Variants in SATB2 observed in about 807,000 individuals in gnomAD.
SATB2 encodes SATB homeobox 2.
SATB2 carries 1 observed loss-of-function variant against 73.4 expected under a neutral mutation model. That is an observed-to-expected ratio of 0.01 (90% confidence interval 0.00 to 0.06). The LOEUF (loss-of-function observed/expected upper bound fraction) is 0.06. SATB2 is among the 10% of genes least tolerant of loss of function. SATB2 has a pLI of 1.00. For missense variants in SATB2, 459 were observed against 945.8 expected, an observed-to-expected ratio of 0.49 and a Z score of 6.75; for synonymous variants, 397 against 367.0, an observed-to-expected ratio of 1.08 and a Z score of -0.93.
chr2:199,468,423 C>G (rs1559073475), upstream of SATB2, among the ~76,000 whole-genome samples: 1 of 152,062 alleles, frequency 6.6e-6, no homozygotes, highest in African/African-American at 2.4e-5. Context: ...TGCCACAGGA[C>G]ATTAGCTCTG....
intron 10 of SATB2, among the ~76,000 whole-genome samples, chr2:199,285,662 T>C (rs993996013): frequency 3.3e-5 from 5 of 151,766 alleles, no homozygotes; most frequent in Admixed American, 6.6e-5. Flanking sequence ...CAGGCGGATT[T>C]AATATAAGTT....
At chr2:199,353,527 G>A (rs1016644551) in intron 6 of SATB2, among the ~76,000 whole-genome samples, 5 of 152,036 alleles carry the variant, frequency 3.3e-5, no homozygotes, top group African/African-American at 1.2e-4. Flanking sequence ...TCAGAATAAC[G>A]TTTTTAGCCT....
chr2:199,386,751 CA>C (rs1559022065), intron 3 of SATB2, among the ~76,000 whole-genome samples: 40 of 143,670 alleles, frequency 2.8e-4, no homozygotes, highest in Non-Finnish European at 4.0e-4. Flanking sequence ...CACACACACA[CA>C]CACACACACA....
chr2:199,309,511 C>T (rs1290648216), intron 9 of SATB2, among the ~76,000 whole-genome samples: 2 of 152,218 alleles, frequency 1.3e-5, no homozygotes, highest in East Asian at 1.9e-4. Flanking sequence ...CTGAATACCT[C>T]GGGCTCTAGG....
At chr2:199,331,813 T>A (rs766835544) in intron 7 of SATB2, among the ~76,000 whole-genome samples, 1 of 152,154 alleles carries the variant, frequency 6.6e-6, no homozygotes, top group Non-Finnish European at 1.5e-5. Flanking sequence ...ATACCACAAA[T>A]CACCCCACCT....
intron 5 of SATB2, among the ~76,000 whole-genome samples, chr2:199,370,008 G>C (rs1689395954): frequency 6.6e-6 from 1 of 152,144 alleles, no homozygotes. Context: ...TCTGAACACA[G>C]CACTGGGAAC....
intron 10 of SATB2, among the ~76,000 whole-genome samples, chr2:199,296,429 A>C (rs1687097037): frequency 1.3e-5 from 2 of 152,088 alleles, no homozygotes. Flanking sequence ...AGTGGCTCAC[A>C]CCTGTAATCC....
intron 2 of SATB2, among the ~76,000 whole-genome samples, chr2:199,446,392 C>A (rs1691963159): frequency 6.6e-6 from 1 of 152,100 alleles, no homozygotes; most frequent in Admixed American, 6.5e-5. Flanking sequence ...AATAACTACT[C>A]CTTTTTTTAA....
At chr2:199,335,837 T>C (rs945497924) in intron 7 of SATB2, among the ~76,000 whole-genome samples, 1 of 152,204 alleles carries the variant, frequency 6.6e-6, no homozygotes, top group African/African-American at 2.4e-5. Context: ...TGTAATTTAT[T>C]AAGTAAAACA....
chr2:199,403,917 C>T (rs1219432534), intron 3 of SATB2, among the ~76,000 whole-genome samples: 2 of 152,156 alleles, frequency 1.3e-5, no homozygotes, highest in Non-Finnish European at 2.9e-5. Flanking sequence ...GGATATCAAC[C>T]TGACAAGGAG....
At chr2:199,275,966 A>C (rs1321965570) in intron 10 of SATB2, among the ~76,000 whole-genome samples, 1 of 152,136 alleles carries the variant, frequency 6.6e-6, no homozygotes, top group South Asian at 2.1e-4. Context: ...AAGATTCCCA[A>C]AGTTATCTGT....
chr2:199,299,035 A>G (rs1042873325), intron 10 of SATB2, among the ~76,000 whole-genome samples: 1 of 152,172 alleles, frequency 6.6e-6, no homozygotes, highest in Non-Finnish European at 1.5e-5. Flanking sequence ...ACACCAAATG[A>G]GCCAGGTGGT....
At chr2:199,389,339 A>T (rs1559023839) in intron 3 of SATB2, among the ~76,000 whole-genome samples, 1 of 152,124 alleles carries the variant, frequency 6.6e-6, no homozygotes, top group Non-Finnish European at 1.5e-5. Context: ...TATATATTTC[A>T]ACTGGCTTGC....
At chr2:199,275,901 T>A (rs1692299016) in intron 10 of SATB2, among the ~76,000 whole-genome samples, 1 of 152,158 alleles carries the variant, frequency 6.6e-6, no homozygotes, top group African/African-American at 2.4e-5. Flanking sequence ...ATACTGACAC[T>A]TTTCTTTGGC....
In SATB2 at chr2:199,463,595, T is replaced by C. The variant is rs1214682025; in HGVS notation, c.-141+1241A>G. 1.3e-5 allele frequency among the ~76,000 whole-genome samples: 2 copies of C among 152,132 alleles called. No individual in the cohort carries two copies. The highest frequency in any genetic ancestry group is 4.8e-5 in the African/African-American group (2 of 41,426). On this transcript the variant is annotated intron_variant, in intron 1 of 11. Transcript: ENST00000260926. This position sits in a 1 kb window ranked among gnomAD's most constrained non-coding sequence, Gnocchi z 6.4. ...CACCGCGTGGGCTGAGGCCGAAACC[T>C]TCGGCGCCGGCTCTGCCGGTCGCGT...
intron 6 of SATB2, among the ~76,000 whole-genome samples, chr2:199,361,757 CTT>C (rs1420402233): frequency 1.1e-4 from 15 of 140,352 alleles, no homozygotes; most frequent in Non-Finnish European, 1.4e-4. Flanking sequence ...CCAACCATTT[CTT>C]TTTTTTTTTT....
At chr2:199,359,303 CA>C (rs1321844578) in intron 6 of SATB2, among the ~76,000 whole-genome samples, 2 of 152,132 alleles carry the variant, frequency 1.3e-5, no homozygotes, top group Non-Finnish European at 2.9e-5. Context: ...GTGAAAACCT[CA>C]AAGGCATGTT....
chr2:199,286,893 A>T (rs1015620177), intron 10 of SATB2, among the ~76,000 whole-genome samples: 1 of 152,328 alleles, frequency 6.6e-6, no homozygotes, highest in South Asian at 2.1e-4. Flanking sequence ...TGCAAAAAAA[A>T]GTGGCTTTTG....
At chr2:199,386,155 C>A (rs893440027) in intron 3 of SATB2, among the ~76,000 whole-genome samples, 3 of 152,146 alleles carry the variant, frequency 2.0e-5, no homozygotes, top group African/African-American at 7.2e-5. Context: ...ATTCATATTT[C>A]TGATTTTTTC....
Sources: allele counts gnomAD v4.1 joint callset (sites outside exome capture counted in the v4.1 genomes callset), GRCh38; gene constraint gnomAD v4.1.1; non-coding constraint Gnocchi (gnomAD v3.1); transcripts MANE v1.5; gene names NCBI Gene and HGNC (gene_info 2026-07-23, HGNC 2026-07-21).